The following FRMD4A variants were observed in gnomAD, a reference collection of about 807,000 sequenced individuals.
The protein encoded by FRMD4A is FERM domain containing 4A.
Under a neutral mutation model 129.1 loss-of-function variants are expected in FRMD4A, and 29 were observed. The observed-to-expected ratio is 0.22, with a 90% CI of 0.17 to 0.31. The LOEUF (loss-of-function observed/expected upper bound fraction) is 0.31, where lower values mean the gene tolerates loss of function less well. FRMD4A is among the 10% of genes least tolerant of loss of function. The probability of loss-of-function intolerance (pLI) is 1.00; values close to 1 mark genes in which losing one functional copy is unlikely to be tolerated. For missense variants in FRMD4A, 1,272 were observed against 1,375.8 expected, an observed-to-expected ratio of 0.92 and a Z score of 1.19; for synonymous variants, 634 against 571.6, an observed-to-expected ratio of 1.11 and a Z score of -1.56.
intron 2 of FRMD4A, among the ~76,000 whole-genome samples, chr10:14,296,237 G>A (rs910923753): frequency 5.9e-5 from 9 of 152,186 alleles, no homozygotes; most frequent in South Asian, 2.1e-4. Flanking sequence ...TCAAATTCTA[G>A]CCTGGCTGCT....
At chr10:14,127,964 TTCTTTCTTTCTTTCCTTC>T (rs1302126975) in intron 2 of FRMD4A, among the ~76,000 whole-genome samples, 356 of 35,266 alleles carry the variant, frequency 0.01, 11 homozygotes, top group African/African-American at 0.015. Context: ...CTTTCTTTCT[TTCTTTCTTTCTTTCCTTC>T]TCTCTCTCTC....
chr10:13,684,912 G>T (rs982227346), intron 15 of FRMD4A: 2 of 984,410 alleles, frequency 2.0e-6, no homozygotes, highest in Non-Finnish European at 2.4e-6. Context: ...ATTCCCAGCA[G>T]ATCAGTAAAA....
intron 3 of FRMD4A, among the ~76,000 whole-genome samples, chr10:13,814,159 G>C (rs11258634): frequency 0.34 from 51,487 of 152,002 alleles, 9,852 homozygotes; most frequent in Non-Finnish European, 0.43. Context: ...AGGAGGAATG[G>C]GTGATTATGC....
intron 2 of FRMD4A, among the ~76,000 whole-genome samples, chr10:14,060,432 G>A (rs1035401571): frequency 2.6e-5 from 4 of 152,166 alleles, no homozygotes; most frequent in African/African-American, 7.2e-5. Context: ...GAAGCACAGA[G>A]AGGTGAGTAA....
intron 2 of FRMD4A, among the ~76,000 whole-genome samples, chr10:14,070,111 T>C (rs1835249726): frequency 2.6e-5 from 4 of 152,154 alleles, no homozygotes; most frequent in African/African-American, 4.8e-5. Flanking sequence ...GCTCAGTGTC[T>C]GTCTCTCTGT....
At chr10:13,691,110 C>T (rs899441398) in intron 15 of FRMD4A, among the ~76,000 whole-genome samples, 1 of 152,178 alleles carries the variant, frequency 6.6e-6, no homozygotes, top group East Asian at 1.9e-4. Flanking sequence ...GCCTCAGCCT[C>T]GAAAATAACT....
At chr10:14,189,921 A>G (rs565625587) in intron 2 of FRMD4A, among the ~76,000 whole-genome samples, 2 of 152,326 alleles carry the variant, frequency 1.3e-5, no homozygotes, top group East Asian at 1.9e-4. Context: ...AGAGATTTCT[A>G]TCTATCTTAA....
chr10:13,659,373 C>T lies in FRMD4A; in HGVS notation c.2016G>A (p.Pro672=), dbSNP rs531553216. The change falls in exon 21 of 25, where the codon CCG becomes CCA. Residue 672 remains proline (P), a synonymous_variant. Transcript: ENST00000357447. The part of the protein sequence containing the change: ...LPHWNSQSSM[P]STPDLRVRSP... Reference sequence around the variant, plus strand: ...TCCGGACCCGCAGGTCTGGCGTGGACGGCATGCTGGACTGGGAGTTCCAGT... The same window carrying T: ...TCCGGACCCGCAGGTCTGGCGTGGATGGCATGCTGGACTGGGAGTTCCAGT... 30 of 1,614,156 alleles carry T rather than the reference C, an allele frequency of 1.9e-5. No individual in the cohort carries two copies. The highest frequency in any genetic ancestry group is 3.3e-4 in the Middle Eastern group (2 of 6,058).
intron 6 of FRMD4A, among the ~76,000 whole-genome samples, chr10:13,767,493 C>T (rs1237391539): frequency 6.6e-6 from 1 of 152,216 alleles, no homozygotes; most frequent in Non-Finnish European, 1.5e-5. Context: ...CCCACCTCGG[C>T]TTCCCAAAGT....
intron 22 of FRMD4A, chr10:13,655,408 C>G (rs1022439278): frequency 1.3e-5 from 2 of 152,118 alleles, no homozygotes; most frequent in African/African-American, 4.8e-5. Context: ...CAAGATCTTC[C>G]TGGGGAGTCA....
intron 2 of FRMD4A, chr10:14,097,138 T>C (rs1442045331): frequency 2.6e-5 from 1 of 38,080 alleles, no homozygotes; most frequent in African/African-American, 1.2e-4. Flanking sequence ...TGAGACTCCA[T>C]CTCAAAAAAA....
At chr10:14,051,822 T>G (rs1246494964) in intron 2 of FRMD4A, among the ~76,000 whole-genome samples, 3 of 152,204 alleles carry the variant, frequency 2.0e-5, no homozygotes, top group Non-Finnish European at 4.4e-5. Flanking sequence ...CAGGAGGAGA[T>G]CGCAGATGCC....
At chr10:14,091,426 G>T (rs866112410) in intron 2 of FRMD4A, among the ~76,000 whole-genome samples, 3 of 151,884 alleles carry the variant, frequency 2.0e-5, no homozygotes, top group South Asian at 2.1e-4. Flanking sequence ...TTAGTTTTTT[G>T]GTTTTGTTTT....
chr10:14,240,244 C>G (rs563635120), intron 2 of FRMD4A, among the ~76,000 whole-genome samples: 37 of 152,300 alleles, frequency 2.4e-4, no homozygotes, highest in African/African-American at 8.2e-4. Flanking sequence ...CCGAAACGCC[C>G]TGTTGGAAGT....
intron 2 of FRMD4A, among the ~76,000 whole-genome samples, chr10:14,312,816 C>T (rs977877252): frequency 2.0e-5 from 3 of 151,188 alleles, no homozygotes; most frequent in Non-Finnish European, 4.4e-5. Flanking sequence ...CAGTGAGCTG[C>T]AAGTACGCCA....
rs146369216 is a variant in FRMD4A, at chr10:14,187,616, C to T, written c.45+142442G>A. Among the ~76,000 whole-genome samples the T allele has an allele frequency of 4.5e-3, 682 of 152,204 alleles. 3 individuals carry two copies. The highest frequency in any genetic ancestry group is 7.0e-3 in the Non-Finnish European group (474 of 68,004). Reference sequence around the variant, plus strand: ...GCAACATAGTGAGACCCCGTCCCTACGAAAAATCAAAAAATAAGCTGAGCA... The same window carrying T: ...GCAACATAGTGAGACCCCGTCCCTATGAAAAATCAAAAAATAAGCTGAGCA... On this transcript the variant is annotated intron_variant, in intron 2 of 24. Coordinates refer to ENST00000357447, the MANE Select transcript of FRMD4A (RefSeq NM_018027.5).
intron 2 of FRMD4A, among the ~76,000 whole-genome samples, chr10:13,862,782 T>A (rs2094311881): frequency 6.6e-6 from 1 of 152,224 alleles, no homozygotes; most frequent in Non-Finnish European, 1.5e-5. Flanking sequence ...AGTATCCTGT[T>A]CTTATCATCA....
chr10:14,189,103 G>A (rs1842237499), intron 2 of FRMD4A, among the ~76,000 whole-genome samples: 1 of 152,148 alleles, frequency 6.6e-6, no homozygotes, highest in African/African-American at 2.4e-5. Flanking sequence ...TTCCACCTCT[G>A]TGTATGGTGT....
intron 18 of FRMD4A, among the ~76,000 whole-genome samples, chr10:13,665,230 C>T (rs10796109): frequency 0.11 from 16,175 of 151,912 alleles, 1,810 homozygotes; most frequent in African/African-American, 0.28. Context: ...CCCATTGTTG[C>T]GTAACCGTCA....
Sources: gnomAD v4.1 joint callset for allele counts (sites outside exome capture counted in the v4.1 genomes callset) on GRCh38, gnomAD v4.1.1 for gene constraint, MANE v1.5 for transcripts, NCBI Gene and HGNC (gene_info 2026-07-23, HGNC 2026-07-21) for gene names.